The following SYT14 variants were observed in gnomAD, a reference collection of about 807,000 sequenced individuals.
SYT14 encodes the protein synaptotagmin-14.
A neutral mutation model predicts 74.2 loss-of-function variants in SYT14; 32 were observed. The ratio of observed to expected loss-of-function variants is 0.43; its 90% confidence interval spans 0.33 to 0.58. The LOEUF (loss-of-function observed/expected upper bound fraction) is 0.58, where lower values mean the gene tolerates loss of function less well. SYT14 is among the 20% of genes least tolerant of loss of function. SYT14 has a pLI of 0.05. For missense variants in SYT14, 791 were observed against 981.8 expected (o/e 0.81, Z 2.60); for synonymous variants, 298 against 337.7 (o/e 0.88, Z 1.29).
chr1:210,107,163 C>A (rs535357631), intron 7 of SYT14, among the ~76,000 whole-genome samples: 2 of 152,360 alleles, frequency 1.3e-5, no homozygotes, highest in African/African-American at 4.8e-5. Flanking sequence ...TGGGCTCCCA[C>A]AGCCTTGGGC....
chr1:210,152,238 A>C (rs749761319), intron 7 of SYT14, among the ~76,000 whole-genome samples: 1 of 152,216 alleles, frequency 6.6e-6, no homozygotes, highest in African/African-American at 2.4e-5. Flanking sequence ...TGTAGTCTAC[A>C]GTTAAAAATA....
At chr1:209,942,063 C>A (rs901326139) in intron 1 of SYT14, among the ~76,000 whole-genome samples, 1 of 152,096 alleles carries the variant, frequency 6.6e-6, no homozygotes, top group Non-Finnish European at 1.5e-5. Flanking sequence ...TTTCCATGCA[C>A]GGTTAGTTAA....
chr1:209,987,512 A>ATCT (rs1341291969), intron 2 of SYT14, among the ~76,000 whole-genome samples: 2 of 152,170 alleles, frequency 1.3e-5, no homozygotes, highest in Non-Finnish European at 2.9e-5. Flanking sequence ...AAACAATCAG[A>ATCT]TCTTGTGAGT....
At chr1:210,123,458 G>A (rs1483844309) in intron 7 of SYT14, among the ~76,000 whole-genome samples, 1 of 152,060 alleles carries the variant, frequency 6.6e-6, no homozygotes, top group Non-Finnish European at 1.5e-5. Flanking sequence ...ATGAATCTGG[G>A]GATTAAAAAC....
chr1:210,006,719 A>G (rs1003662356), intron 2 of SYT14, among the ~76,000 whole-genome samples: 52 of 151,894 alleles, frequency 3.4e-4, no homozygotes, highest in African/African-American at 1.2e-3. Context: ...TTTTTGTTTA[A>G]TTTTGCATTT....
intron 5 of SYT14, among the ~76,000 whole-genome samples, chr1:210,081,059 C>G (rs140112470): frequency 6.6e-6 from 1 of 152,088 alleles, no homozygotes; most frequent in Non-Finnish European, 1.5e-5. Context: ...AAGACCATAG[C>G]GCATTGAGGA....
At chr1:210,029,683 T>C (rs1044212752) in intron 5 of SYT14, among the ~76,000 whole-genome samples, 1 of 152,192 alleles carries the variant, frequency 6.6e-6, no homozygotes, top group Non-Finnish European at 1.5e-5. Flanking sequence ...CATTTTGAAA[T>C]CAAGAAGTTT....
intron 5 of SYT14, among the ~76,000 whole-genome samples, chr1:210,056,338 A>T (rs1400181812): frequency 3.3e-5 from 5 of 151,998 alleles, no homozygotes; most frequent in Non-Finnish European, 7.4e-5. Flanking sequence ...AAAATATTCC[A>T]CAAGTTTTAA....
rs529191394 is a variant in SYT14, at chr1:210,009,967, C to A, written c.-485-3666C>A. Among the ~76,000 whole-genome samples the A allele has an allele frequency of 2.0e-3, 302 of 152,160 alleles. 2 individuals are homozygous for A. The highest frequency in any genetic ancestry group is 7.0e-3 in the African/African-American group (291 of 41,528). Reference sequence around the variant, plus strand: ...AACTCTTCTTCTTTCTTATCCTCAACTCTTCTTCTTTCTTATCCTCTAAAT... The same window carrying A: ...AACTCTTCTTCTTTCTTATCCTCAAATCTTCTTCTTTCTTATCCTCTAAAT... On this transcript the variant is annotated intron_variant, in intron 2 of 9. Coordinates refer to ENST00000637265, the Ensembl canonical transcript of SYT14.
intron 7 of SYT14, among the ~76,000 whole-genome samples, chr1:210,129,747 T>C (rs1294870857): frequency 1.3e-5 from 2 of 152,198 alleles, no homozygotes; most frequent in African/African-American, 4.8e-5. Flanking sequence ...ACACAATCAG[T>C]GTCTTTCTAA....
chr1:210,020,576 A>G (rs1055045174), intron 4 of SYT14, among the ~76,000 whole-genome samples: 3 of 152,220 alleles, frequency 2.0e-5, no homozygotes, highest in African/African-American at 7.2e-5. Flanking sequence ...AATTTTGACC[A>G]AAACGAGAAC....
intron 5 of SYT14, among the ~76,000 whole-genome samples, chr1:210,033,419 G>C (rs1342591954): frequency 6.6e-6 from 1 of 151,728 alleles, no homozygotes; most frequent in African/African-American, 2.4e-5. Flanking sequence ...TTTCGTCTAA[G>C]CAGTCTTCAT....
intron 6 of SYT14, among the ~76,000 whole-genome samples, chr1:210,095,159 A>G (rs1298622310): frequency 1.3e-5 from 2 of 152,206 alleles, no homozygotes; most frequent in African/African-American, 4.8e-5. Flanking sequence ...ATTTTGTGGC[A>G]GTTTTGAAGT....
chr1:209,961,322 G>A (rs2079072587), intron 2 of SYT14, among the ~76,000 whole-genome samples: 2 of 152,138 alleles, frequency 1.3e-5, no homozygotes, highest in Non-Finnish European at 2.9e-5. Flanking sequence ...CTTGCTTAGT[G>A]ACCAAACTTG....
intron 7 of SYT14, among the ~76,000 whole-genome samples, chr1:210,108,157 C>T (rs1273688400): frequency 6.6e-6 from 1 of 152,186 alleles, no homozygotes; most frequent in Non-Finnish European, 1.5e-5. Flanking sequence ...CTTGCTTACA[C>T]TTCTGTGTGA....
At chr1:209,971,815 G>T (rs1425445612) in intron 2 of SYT14, among the ~76,000 whole-genome samples, 1 of 152,084 alleles carries the variant, frequency 6.6e-6, no homozygotes, top group African/African-American at 2.4e-5. Context: ...TTTTGTGTCT[G>T]TGTTCTTCAG....
chr1:210,035,014 A>G (rs1203880685), intron 5 of SYT14, among the ~76,000 whole-genome samples: 5 of 151,844 alleles, frequency 3.3e-5, no homozygotes, highest in Admixed American at 6.6e-5. Context: ...GCTGGATTGA[A>G]TGGTAGATCT....
chr1:209,992,205 G>A (rs1471265012), intron 2 of SYT14, among the ~76,000 whole-genome samples: 1 of 152,012 alleles, frequency 6.6e-6, no homozygotes, highest in Non-Finnish European at 1.5e-5. Flanking sequence ...GAGTGCAGCG[G>A]CACGATCATA....
intron 5 of SYT14, among the ~76,000 whole-genome samples, chr1:210,077,790 A>G (rs997236518): frequency 5.9e-5 from 9 of 152,192 alleles, no homozygotes; most frequent in Non-Finnish European, 1.3e-4. Context: ...AATGGGGTAT[A>G]AAGTGGTATC....
Sources: allele counts gnomAD v4.1 joint callset (sites outside exome capture counted in the v4.1 genomes callset), GRCh38; gene constraint gnomAD v4.1.1; transcripts MANE v1.5; gene names NCBI Gene and HGNC (gene_info 2026-07-23, HGNC 2026-07-21).